The following ATP6V1H variants were observed in gnomAD, a reference collection of about 807,000 sequenced individuals.
The protein encoded by ATP6V1H is ATPase H+ transporting V1 subunit H, also known as V-type proton ATPase subunit H.
In ATP6V1H, 39 loss-of-function variants were observed where a neutral mutation model predicts 71.7. That is an observed-to-expected ratio of 0.54 (90% CI 0.42 to 0.71). The LOEUF (loss-of-function observed/expected upper bound fraction) is 0.71. ATP6V1H is among the 30% of genes least tolerant of loss of function. The probability of loss-of-function intolerance (pLI) is 0.00; values close to 1 mark genes in which losing one functional copy is unlikely to be tolerated. For missense variants in ATP6V1H, 509 were observed against 594.9 expected, an observed-to-expected ratio of 0.86 and a Z score of 1.50; for synonymous variants, 192 against 199.3, an observed-to-expected ratio of 0.96 and a Z score of 0.31.
rs150277878 is a variant in ATP6V1H at position 53,811,795 on chromosome 8, A to G, written c.526-578T>C. Among the ~76,000 whole-genome samples the G allele has an allele frequency of 2.2e-3, 339 of 152,352 alleles. 2 individuals carry two copies. Among genetic ancestry groups the G allele is most frequent in the African/African-American group, 7.9e-3 (327 of 41,578 alleles). On this transcript the variant is annotated intron_variant, in intron 6 of 13. Transcript: ENST00000359530. ...TTCTGAAAGGAAATGTTAACTTTGTATCATTCAATAACTACTATCTATGAA... is the reference window on the plus strand; with the variant it reads ...TTCTGAAAGGAAATGTTAACTTTGTGTCATTCAATAACTACTATCTATGAA...
intron 2 of ATP6V1H, among the ~76,000 whole-genome samples, chr8:53,837,064 C>T (rs1034548079): frequency 6.6e-6 from 1 of 151,934 alleles, no homozygotes; most frequent in African/African-American, 2.4e-5. Flanking sequence ...TCACTTGAAC[C>T]CAAGAGGCGG....
chr8:53,811,078 T>C lies in ATP6V1H; in HGVS notation c.579+86A>G, dbSNP rs73680313. On this transcript the variant is annotated intron_variant, in intron 7 of 13. Coordinates refer to ENST00000359530, the MANE Select transcript of ATP6V1H (RefSeq NM_015941.4). ...GACCATGGATTTATAGTTGGGGAAC[T>C]AGTAAACACCTTCAAAATTTTAAGT... is the stretch of plus-strand genomic sequence containing the variant. 8,515 of 1,098,848 alleles carry C rather than the reference T, an allele frequency of 7.7e-3. 68 individuals are homozygous for C. Among genetic ancestry groups the C allele is most frequent in the African/African-American group, 0.029 (1,863 of 63,758 alleles). The allele number at this position is 1,098,848 out of a possible 1,614,324, so 68.1% of individuals were successfully genotyped here.
intron 7 of ATP6V1H, among the ~76,000 whole-genome samples, chr8:53,810,351 C>T (rs1327704979): frequency 6.6e-6 from 1 of 152,090 alleles, no homozygotes; most frequent in Non-Finnish European, 1.5e-5. Context: ...AAATGGAAAA[C>T]GTAACTTTAG....
chr8:53,771,159 G>C (rs1808636985), intron 10 of ATP6V1H, among the ~76,000 whole-genome samples: 2 of 152,102 alleles, frequency 1.3e-5, no homozygotes, highest in Admixed American at 1.3e-4. Context: ...TTACCAAAAG[G>C]AAAACAGACT....
At chr8:53,792,127 A>T (rs1171208967) in intron 9 of ATP6V1H, among the ~76,000 whole-genome samples, 6 of 152,202 alleles carry the variant, frequency 3.9e-5, no homozygotes, top group Non-Finnish European at 5.9e-5. Flanking sequence ...GCTGGACTGA[A>T]ATTTACTGTG....
At chr8:53,811,282 C>CA in intron 6 of ATP6V1H, 65 bp from the exon 7 acceptor site, 1 of 1,421,258 alleles carries the variant, frequency 7.0e-7, no homozygotes, top group Non-Finnish European at 9.9e-7. Context: ...TATCAGCTTA[C>CA]AAAAGGGAGC....
chr8:53,749,051 T>G (rs549172479), intron 12 of ATP6V1H, among the ~76,000 whole-genome samples: 2 of 152,368 alleles, frequency 1.3e-5, no homozygotes, highest in South Asian at 4.1e-4. Flanking sequence ...GTGAACACTA[T>G]GTCTAGTCAG....
chr8:53,755,730 A>T (rs865867284), intron 12 of ATP6V1H, among the ~76,000 whole-genome samples: 1 of 5,476 alleles, frequency 1.8e-4, no homozygotes, highest in Non-Finnish European at 2.7e-4. Context: ...ATATATATAT[A>T]TATATATATA....
At chr8:53,786,672 C>T (rs1242581395) in intron 9 of ATP6V1H, among the ~76,000 whole-genome samples, 2 of 152,212 alleles carry the variant, frequency 1.3e-5, no homozygotes, top group Non-Finnish European at 2.9e-5. Context: ...GCTCCACTCC[C>T]TGAAATATGT....
Position 53,776,192 on chromosome 8 carries a change from G to A in ATP6V1H, c.871-4025C>T, listed in dbSNP as rs575533170. Among the ~76,000 whole-genome samples, 340 of 152,316 alleles carry A rather than the reference G, an allele frequency of 2.2e-3. 2 individuals carry two copies. The highest frequency in any genetic ancestry group is 7.8e-3 in the African/African-American group (326 of 41,574). On this transcript the variant is annotated intron_variant, in intron 9 of 13. Coordinates refer to ENST00000359530, the MANE Select transcript of ATP6V1H (RefSeq NM_015941.4). ...CAGCAGGGCCGGCCGGCTGCTCCGA[G>A]TTTGGGGCCCGCCAAGCCCACGCCC...
At chr8:53,793,719 A>C (rs1254689929) in intron 9 of ATP6V1H, among the ~76,000 whole-genome samples, 2 of 152,130 alleles carry the variant, frequency 1.3e-5, no homozygotes, top group African/African-American at 4.8e-5. Flanking sequence ...CAGGTGGATC[A>C]CTTGAGGTCA....
intron 2 of ATP6V1H, among the ~76,000 whole-genome samples, chr8:53,835,991 G>T (rs1430968123): frequency 6.6e-6 from 1 of 152,108 alleles, no homozygotes; most frequent in Admixed American, 6.6e-5. Context: ...CCCTACAGGC[G>T]CAGAACTAAG....
chr8:53,743,857 T>C, intron 12 of ATP6V1H, 167 bp from the exon 13 acceptor site: 1 of 566,760 alleles, frequency 1.8e-6, no homozygotes, highest in Non-Finnish European at 3.1e-6. Flanking sequence ...AGATTTACAG[T>C]ATTCAAATAC....
chr8:53,791,403 A>G (rs137945294), intron 9 of ATP6V1H, among the ~76,000 whole-genome samples: 16 of 152,306 alleles, frequency 1.1e-4, no homozygotes, highest in African/African-American at 3.8e-4. Flanking sequence ...CCAGAGTGGT[A>G]GGGGCAAAAG....
At chr8:53,822,352 T>C (rs1810690165) in intron 4 of ATP6V1H, among the ~76,000 whole-genome samples, 1 of 152,024 alleles carries the variant, frequency 6.6e-6, no homozygotes, top group Non-Finnish European at 1.5e-5. Flanking sequence ...AATATATAAA[T>C]GTTATATGTT....
At chr8:53,735,824 G>A (rs1014486137) in intron 13 of ATP6V1H, among the ~76,000 whole-genome samples, 1 of 152,198 alleles carries the variant, frequency 6.6e-6, no homozygotes, top group Non-Finnish European at 1.5e-5. Context: ...GCCCTATACT[G>A]TAATCTTGTC....
chr8:53,736,314 C>T (rs1004823084), intron 13 of ATP6V1H, among the ~76,000 whole-genome samples: 11 of 152,066 alleles, frequency 7.2e-5, no homozygotes, highest in Non-Finnish European at 1.0e-4. Context: ...CTCCCTTAGC[C>T]GAAAACATTG....
intron 9 of ATP6V1H, among the ~76,000 whole-genome samples, chr8:53,775,169 G>A (rs531113355): frequency 7.2e-5 from 11 of 152,024 alleles, no homozygotes; most frequent in African/African-American, 2.2e-4. Context: ...TGAGTGTTAC[G>A]GCTCTTAAGG....
chr8:53,791,063 T>A (rs1243838152), intron 9 of ATP6V1H, among the ~76,000 whole-genome samples: 1 of 151,502 alleles, frequency 6.6e-6, no homozygotes, highest in East Asian at 1.9e-4. Context: ...ATGGTAGAAT[T>A]AAAAAAAAGG....
Sources: gnomAD v4.1 joint callset for allele counts (sites outside exome capture counted in the v4.1 genomes callset) on GRCh38, gnomAD v4.1.1 for gene constraint, MANE v1.5 for transcripts, NCBI Gene and HGNC (gene_info 2026-07-23, HGNC 2026-07-21) for gene names.